Variants in ZNF407 observed in about 807,000 individuals in gnomAD.
ZNF407 encodes the protein zinc finger protein 407.
A neutral mutation model predicts 131.2 loss-of-function variants in ZNF407; 17 were observed. That is an observed-to-expected ratio of 0.13 (90% CI 0.09 to 0.19). ZNF407 has a LOEUF of 0.19. Among genes scored for constraint, ZNF407 ranks in the 10% least tolerant of loss-of-function variants. The pLI is 1.00. For synonymous variants in ZNF407, 1,156 were observed against 1,062.0 expected (o/e 1.09, Z -1.72); for missense variants, 2,681 against 2,830.6 (o/e 0.95, Z 1.20).
intron 7 of ZNF407, among the ~76,000 whole-genome samples, chr18:74,909,221 A>G (rs1330608233): frequency 2.0e-5 from 3 of 151,946 alleles, no homozygotes; most frequent in Admixed American, 6.6e-5. Flanking sequence ...TTGGGAATCT[A>G]TTTTTAGTCA....
intron 4 of ZNF407, among the ~76,000 whole-genome samples, chr18:74,816,961 A>C (rs1970275784): frequency 6.6e-6 from 1 of 152,180 alleles, no homozygotes; most frequent in Non-Finnish European, 1.5e-5. Context: ...TGTGCACAAA[A>C]AATTTATCTT....
At chr18:74,707,357 G>A (rs1967650678) in intron 3 of ZNF407, among the ~76,000 whole-genome samples, 1 of 152,176 alleles carries the variant, frequency 6.6e-6, no homozygotes, top group Non-Finnish European at 1.5e-5. Flanking sequence ...TCAGTTGTAA[G>A]TACAGGCTGA....
At chr18:75,058,355 G>A (rs1181554389) in intron 8 of ZNF407, among the ~76,000 whole-genome samples, 3 of 152,186 alleles carry the variant, frequency 2.0e-5, no homozygotes, top group African/African-American at 7.2e-5. Context: ...TGAGAAGGGA[G>A]TAAAATATCT....
intron 4 of ZNF407, chr18:74,803,905 T>C: frequency 6.5e-7 from 1 of 1,534,918 alleles, no homozygotes; most frequent in South Asian, 1.2e-5. Flanking sequence ...CGAGAATGCT[T>C]TACAACGTGC....
intron 3 of ZNF407, among the ~76,000 whole-genome samples, chr18:74,664,812 C>T (rs890738312): frequency 2.0e-5 from 3 of 152,056 alleles, no homozygotes; most frequent in African/African-American, 4.8e-5. Flanking sequence ...CTGTGTGTTG[C>T]TGCTCATTAG....
intron 8 of ZNF407, among the ~76,000 whole-genome samples, chr18:74,963,103 T>A (rs1181254415): frequency 6.6e-6 from 1 of 152,048 alleles, no homozygotes; most frequent in African/African-American, 2.4e-5. Flanking sequence ...CCAATCGCAC[T>A]TTCTTTAGCT....
chr18:74,645,587 A>G (rs1984932980), intron 3 of ZNF407, among the ~76,000 whole-genome samples: 1 of 151,710 alleles, frequency 6.6e-6, no homozygotes, highest in African/African-American at 2.4e-5. Flanking sequence ...GTTTATTCCT[A>G]GTTGGTTTAA....
chr18:74,968,367 G>C (rs977698014), intron 8 of ZNF407, among the ~76,000 whole-genome samples: 1 of 152,150 alleles, frequency 6.6e-6, no homozygotes, highest in Non-Finnish European at 1.5e-5. Flanking sequence ...TCCATGAGGA[G>C]GACAGTGGGC....
intron 3 of ZNF407, among the ~76,000 whole-genome samples, chr18:74,684,419 T>C (rs1298370781): frequency 1.3e-5 from 2 of 152,212 alleles, no homozygotes; most frequent in Admixed American, 1.3e-4. Flanking sequence ...TCTTAGAATA[T>C]ATATTTAAAA....
chr18:74,618,309 AC>A (rs1983397356), intron 1 of ZNF407, among the ~76,000 whole-genome samples: 2 of 152,218 alleles, frequency 1.3e-5, no homozygotes, highest in African/African-American at 2.4e-5. Flanking sequence ...TGGGCATAGT[AC>A]TAAAGACCAA....
intron 7 of ZNF407, among the ~76,000 whole-genome samples, chr18:74,918,159 G>T (rs919398252): frequency 3.3e-5 from 5 of 152,168 alleles, no homozygotes; most frequent in African/African-American, 1.2e-4. Context: ...TTACTCTAAG[G>T]ATAATTACAC....
At position 74,836,632 on chromosome 18, in the gene ZNF407, G is replaced by T. The variant is rs200537369; in HGVS notation, c.4878-40565G>T. Among the ~76,000 whole-genome samples, 4 of 152,334 alleles carry T rather than the reference G, an allele frequency of 2.6e-5. No individual in the cohort carries two copies. In the East Asian group the frequency reaches 7.7e-4, roughly 29 times the overall value. On this transcript the variant is annotated intron_variant, in intron 4 of 8. Coordinates refer to ENST00000299687, the MANE Select transcript of ZNF407 (RefSeq NM_017757.3). ...TTTCTAACCTTCCTCATTTTTTACA[G>T]ATCTCTTTAGGTGTTTGATGGATAA...
At chr18:74,793,642 A>G (rs1162111520) in intron 4 of ZNF407, among the ~76,000 whole-genome samples, 1 of 152,230 alleles carries the variant, frequency 6.6e-6, no homozygotes, top group Admixed American at 6.5e-5. Flanking sequence ...GTAAGATTTT[A>G]TCTGAAATAA....
At position 74,598,200 on chromosome 18, in the gene ZNF407, C is replaced by G. The variant is rs545316321; in HGVS notation, c.-54+263C>G. On this transcript the variant is annotated intron_variant, in intron 1 of 8. Transcript: ENST00000299687. ...ACGCTGCCTCGCCGCCCTCCTCCCC[C>G]AGGCCCCAGCTGCCGCCCTGCCCTC... 720 of 152,538 alleles carry G rather than the reference C, an allele frequency of 4.7e-3. 6 individuals carry two copies. Among genetic ancestry groups the G allele is most frequent in the Non-Finnish European group, 8.1e-3 (555 of 68,252 alleles). 9.4% of individuals were successfully genotyped at this position (152,538 alleles called of 1,614,324 possible).
intron 4 of ZNF407, among the ~76,000 whole-genome samples, chr18:74,867,559 TC>T (rs1188033000): frequency 6.6e-6 from 1 of 152,204 alleles, no homozygotes; most frequent in Non-Finnish European, 1.5e-5. Context: ...AGCTGCTTTT[TC>T]CTCACCAGCA....
At chr18:74,765,202 G>A (rs942624248) in intron 3 of ZNF407, among the ~76,000 whole-genome samples, 1 of 152,042 alleles carries the variant, frequency 6.6e-6, no homozygotes, top group African/African-American at 2.4e-5. Context: ...ATTATGTTTT[G>A]TGTATTTATA....
chr18:74,614,654 CA>C (rs1312757414), intron 1 of ZNF407, among the ~76,000 whole-genome samples: 22 of 152,266 alleles, frequency 1.4e-4, no homozygotes, highest in African/African-American at 5.3e-4. Context: ...GTCCCTATCC[CA>C]AACTTTCTTA....
intron 1 of ZNF407, among the ~76,000 whole-genome samples, chr18:74,625,688 A>C (rs1313535768): frequency 2.6e-5 from 4 of 152,222 alleles, no homozygotes; most frequent in African/African-American, 9.7e-5. Flanking sequence ...AATCATTATC[A>C]CATAACTTCA....
In ZNF407 at chr18:74,771,495, T is replaced by C. The variant is rs145745104; in HGVS notation, c.4803-9933T>C. 8.2e-3 allele frequency among the ~76,000 whole-genome samples: 1,251 copies of C among 152,206 alleles called. 10 individuals carry two copies. The highest frequency in any genetic ancestry group is 0.013 in the Non-Finnish European group (891 of 67,978). ...AACCTGCTTACAAACATATTTAGGA[T>C]GTTAGATAATGTATTTCATCTTATA... On this transcript the variant is annotated intron_variant, in intron 3 of 8. Coordinates refer to ENST00000299687, the MANE Select transcript of ZNF407 (RefSeq NM_017757.3).
Sources: gnomAD v4.1 joint callset for allele counts (sites outside exome capture counted in the v4.1 genomes callset) on GRCh38, gnomAD v4.1.1 for gene constraint, MANE v1.5 for transcripts, NCBI Gene and HGNC (gene_info 2026-07-23, HGNC 2026-07-21) for gene names.